The following ACACB variants were observed in gnomAD, a reference collection of about 807,000 sequenced individuals.
ACACB encodes acetyl-CoA carboxylase beta.
A neutral mutation model predicts 278.8 loss-of-function variants in ACACB; 209 were observed. That is an observed-to-expected ratio of 0.75 (90% CI 0.67 to 0.84). The LOEUF (loss-of-function observed/expected upper bound fraction) is 0.84, where lower values mean the gene tolerates loss of function less well. ACACB is among the 40% of genes least tolerant of loss of function. ACACB has a pLI of 0.00. For synonymous variants in ACACB, 1,174 were observed against 1,285.6 expected, an observed-to-expected ratio of 0.91 and a Z score of 1.86; for missense variants, 2,850 against 3,269.0, an observed-to-expected ratio of 0.87 and a Z score of 3.13.
At chr12:109,209,798 T>C (rs2045627615) in intron 21 of ACACB, among the ~76,000 whole-genome samples, 3 of 148,162 alleles carry the variant, frequency 2.0e-5, no homozygotes, top group African/African-American at 2.5e-5. Flanking sequence ...TGTGTGTATA[T>C]ATATATACAC....
intron 12 of ACACB, among the ~76,000 whole-genome samples, chr12:109,186,820 A>G (rs1593498735): frequency 6.6e-6 from 1 of 152,108 alleles, no homozygotes; most frequent in East Asian, 1.9e-4. Flanking sequence ...GCTCGTTCCC[A>G]GGTTCCTAGG....
intron 2 of ACACB, among the ~76,000 whole-genome samples, chr12:109,161,530 G>A (rs1007956054): frequency 3.9e-5 from 6 of 152,004 alleles, no homozygotes; most frequent in Non-Finnish European, 7.4e-5. Flanking sequence ...GCGACAGAGT[G>A]AGACGCAGTC....
rs1470255097 is a variant in ACACB, at chr12:109,258,363, A to G, written c.6359A>G (p.Lys2120Arg). The change falls in exon 46 of 53, where the codon AAG becomes AGG. Residue 2120 changes from lysine to arginine, a missense_variant and splice_region_variant. Physicochemically the swap from Lys to Arg is conservative, Grantham distance 26. Coordinates refer to ENST00000338432, the MANE Select transcript of ACACB (RefSeq NM_001093.4). Reference sequence around the variant, plus strand: ...CCTGCCAACCTGGATTCTGAGGCCAAGGTGAGGGGGCCGGGAGCTGTGGCT... The same window carrying G: ...CCTGCCAACCTGGATTCTGAGGCCAGGGTGAGGGGGCCGGGAGCTGTGGCT... ...ADPANLDSEAKIIQQAGQVWF... is the reference protein window; with the variant it reads ...ADPANLDSEARIIQQAGQVWF... 1 of 1,610,510 alleles carries G rather than the reference A, an allele frequency of 6.2e-7. No homozygotes were observed. Among genetic ancestry groups the G allele is most frequent in the Admixed American group, 1.7e-5 (1 of 59,864 alleles).
At chr12:109,222,386 C>T in intron 24 of ACACB, 121 bp from the exon 25 acceptor site, 1 of 811,434 alleles carries the variant, frequency 1.2e-6, no homozygotes, top group South Asian at 1.5e-5. Flanking sequence ...TGTGCTGGGC[C>T]TGTTTGGAGA....
intron 27 of ACACB, among the ~76,000 whole-genome samples, chr12:109,225,176 T>A (rs1447356640): frequency 3.9e-5 from 6 of 152,310 alleles, no homozygotes; most frequent in Non-Finnish European, 4.4e-5. Flanking sequence ...TTTGTTTTGT[T>A]AGAGACAGGT....
chr12:109,256,677 A>G (rs1565979161), intron 45 of ACACB, among the ~76,000 whole-genome samples: 1 of 152,114 alleles, frequency 6.6e-6, no homozygotes, highest in Non-Finnish European at 1.5e-5. Context: ...CTCTTTGGAC[A>G]GCTCCACCTG....
intron 19 of ACACB, among the ~76,000 whole-genome samples, chr12:109,204,798 T>C (rs969826197): frequency 2.6e-5 from 4 of 152,160 alleles, no homozygotes; most frequent in African/African-American, 9.7e-5. Flanking sequence ...ATCCTCCAGT[T>C]CCATCCATGT....
intron 6 of ACACB, among the ~76,000 whole-genome samples, 191 bp downstream of exon 6, chr12:109,172,547 T>C (rs1224473098): frequency 6.6e-6 from 1 of 152,082 alleles, no homozygotes; most frequent in African/African-American, 2.4e-5. Context: ...CTCATGGAAT[T>C]AGGAGCTGCC....
At chr12:109,172,203 T>G in intron 5 of ACACB, 72 bp from the exon 6 acceptor site, 19 of 1,449,866 alleles carry the variant, frequency 1.3e-5, no homozygotes, top group Non-Finnish European at 1.8e-5. Flanking sequence ...GTTATAGGCG[T>G]GAGTTACTGC....
At chr12:109,121,371 A>G (rs2042545094) in intron 1 of ACACB, among the ~76,000 whole-genome samples, 1 of 152,140 alleles carries the variant, frequency 6.6e-6, no homozygotes, top group Non-Finnish European at 1.5e-5. Flanking sequence ...GTCGGGGGAG[A>G]TGAAGTCAGA....
chr12:109,228,518 C>T (rs1326095375), intron 28 of ACACB, among the ~76,000 whole-genome samples: 1 of 151,290 alleles, frequency 6.6e-6, no homozygotes, highest in African/African-American at 2.4e-5. Flanking sequence ...ATTTGCCAGG[C>T]GTGGTGGCAC....
At chr12:109,214,762 T>G (rs2045945286) in intron 22 of ACACB, among the ~76,000 whole-genome samples, 1 of 152,226 alleles carries the variant, frequency 6.6e-6, no homozygotes, top group Non-Finnish European at 1.5e-5. Flanking sequence ...ACTTGACTCC[T>G]GTGTTCAGAT....
At chr12:109,176,776 G>A (rs891444954) in intron 9 of ACACB, among the ~76,000 whole-genome samples, 9 of 152,168 alleles carry the variant, frequency 5.9e-5, no homozygotes, top group South Asian at 2.1e-4. Context: ...GCCACCACAC[G>A]CAGCTCATTT....
At chr12:109,128,400 CG>C (rs2042736267) in intron 1 of ACACB, among the ~76,000 whole-genome samples, 4 of 151,734 alleles carry the variant, frequency 2.6e-5, no homozygotes, top group Admixed American at 2.6e-4. Context: ...TGCAATGGCA[CG>C]ATCTTGGCTC....
At chr12:109,230,890 C>T (rs1006688979) in intron 28 of ACACB, among the ~76,000 whole-genome samples, 1 of 152,140 alleles carries the variant, frequency 6.6e-6, no homozygotes, top group African/African-American at 2.4e-5. Context: ...CCCAGAGAGA[C>T]ATTGAGGACC....
chr12:109,205,284 G>A (rs968074766), intron 19 of ACACB, among the ~76,000 whole-genome samples: 4 of 152,158 alleles, frequency 2.6e-5, no homozygotes, highest in African/African-American at 9.7e-5. Context: ...ATGAGGCAGG[G>A]CCTGCCCACC....
At chr12:109,250,314 T>A in intron 41 of ACACB, among the ~76,000 whole-genome samples, 1 of 152,150 alleles carries the variant, frequency 6.6e-6, no homozygotes, top group East Asian at 1.9e-4. Context: ...CCCCATCATG[T>A]CTTTTCATCC....
intron 28 of ACACB, among the ~76,000 whole-genome samples, chr12:109,228,153 T>C (rs1323205079): frequency 1.3e-5 from 2 of 150,730 alleles, no homozygotes; most frequent in Admixed American, 1.3e-4. Flanking sequence ...CTGGCCAACA[T>C]GGTGAAACCC....
chr12:109,201,817 A>G, intron 19 of ACACB, 116 bp downstream of exon 19: 2 of 1,389,500 alleles, frequency 1.4e-6, no homozygotes, highest in Non-Finnish European at 1.9e-6. Flanking sequence ...CTCCACCTGC[A>G]GACAGAGCTC....
Sources: allele counts gnomAD v4.1 joint callset (sites outside exome capture counted in the v4.1 genomes callset), GRCh38; gene constraint gnomAD v4.1.1; transcripts MANE v1.5; gene names NCBI Gene and HGNC (gene_info 2026-07-23, HGNC 2026-07-21).